Variants in RPS20 observed in about 807,000 individuals in gnomAD.
RPS20 encodes the protein small ribosomal subunit protein uS10.
RPS20 carries 3 observed loss-of-function variants against 15.3 expected under a neutral mutation model. The ratio of observed to expected loss-of-function variants is 0.20; its 90% CI spans 0.09 to 0.51. The LOEUF is 0.51. Among genes scored for constraint, RPS20 ranks in the 20% least tolerant of loss-of-function variants. The pLI, the probability that RPS20 is intolerant of heterozygous loss-of-function variation, is 0.96. For missense variants in RPS20, 67 were observed against 145.9 expected (o/e 0.46, Z 2.79); for synonymous variants, 62 against 47.8 (o/e 1.30, Z -1.23).
downstream of RPS20, chr8:56,069,617 A>G (rs1809699418): frequency 3.1e-6 from 3 of 979,826 alleles, no homozygotes; most frequent in Admixed American, 4.2e-5. Flanking sequence ...TCTTACTTTC[A>G]AAAGATAAAA....
chr8:56,073,936 TTTAC>T (rs1186279241), intron 2 of RPS20, 120 bp downstream of exon 2: 1 of 1,116,018 alleles, frequency 9.0e-7, no homozygotes, highest in Non-Finnish European at 1.4e-6. Context: ...TAAGCCACGC[TTTAC>T]TTTTTTAAGT....
chr8:56,074,471 A>T lies in RPS20; in HGVS notation c.-88T>A. 3.5e-6 allele frequency: 5 copies of T among 1,448,278 alleles called. No individual in the cohort carries two copies. The highest frequency in any genetic ancestry group is 4.7e-6 in the Non-Finnish European group (5 of 1,073,190). 89.7% of individuals were successfully genotyped at this position (1,448,278 alleles called of 1,614,324 possible). A position where few individuals can be genotyped will look rare whatever the true frequency, so the allele number is the denominator to read the frequency against. Reference sequence around the variant, plus strand: ...AGGAGCAGGAGCGTGCGGACCAAAAATCCTCAGCCCTTACGACCGCGTCTT... The same window carrying T: ...AGGAGCAGGAGCGTGCGGACCAAAATTCCTCAGCCCTTACGACCGCGTCTT... On this transcript the variant is annotated 5_prime_UTR_variant, in exon 1 of 4. Transcript: ENST00000009589.
At position 56,074,481 on chromosome 8, in the gene RPS20, C is replaced by A; in HGVS notation, c.-98G>T. On this transcript the variant is annotated 5_prime_UTR_variant, in exon 1 of 4. It adds an upstream start codon to the 5' untranslated region. Transcript: ENST00000009589. ...GCGTGCGGACCAAAAATCCTCAGCC[C>A]TTACGACCGCGTCTTCCTCAAAAAG... 7.5e-7 allele frequency: 1 copy of A among 1,335,002 alleles called. No individual in the cohort carries two copies. The highest frequency in any genetic ancestry group is 1.0e-6 in the Non-Finnish European group (1 of 976,618). 82.7% of individuals were successfully genotyped at this position (1,335,002 alleles called of 1,614,324 possible).
chr8:56,073,388 T>C, intron 3 of RPS20, 116 bp from the exon 4 acceptor site: 1 of 752,476 alleles, frequency 1.3e-6, no homozygotes, highest in Non-Finnish European at 2.2e-6. Context: ...TGATTCCAAT[T>C]TACACTAATA....
At chr8:56,072,854 C>T, downstream of RPS20, 4 of 1,220,586 alleles carry the variant, frequency 3.3e-6, no homozygotes, top group Non-Finnish European at 4.1e-6. Context: ...AAGTTATAAA[C>T]TGCCAGTGTC....
chr8:56,071,314 T>C (rs1670671166), downstream of RPS20, among the ~76,000 whole-genome samples: 1 of 152,266 alleles, frequency 6.6e-6, no homozygotes, highest in South Asian at 2.1e-4. Context: ...AAGACTGCTA[T>C]GCTGCACTAA....
At chr8:56,068,806 T>C (rs1164142210), downstream of RPS20, among the ~76,000 whole-genome samples, 1 of 92,790 alleles carries the variant, frequency 1.1e-5, no homozygotes, top group Non-Finnish European at 2.3e-5. Context: ...GGTGAAAATA[T>C]CTTTTTTTTT....
At chr8:56,072,860 G>C, downstream of RPS20, 1 of 1,238,304 alleles carries the variant, frequency 8.1e-7, no homozygotes. Context: ...TAAACTGCCA[G>C]TGTCCAATAA....
intron 2 of RPS20, 33 bp from the exon 3 acceptor site, chr8:56,073,801 G>GA: frequency 6.3e-7 from 1 of 1,597,670 alleles, no homozygotes. Context: ...CAGTATAATC[G>GA]AAACAATTAA....
Position 56,074,448 on chromosome 8 carries a change from G to A in RPS20, c.-65C>T, listed in dbSNP as rs1039228787. 7.2e-6 allele frequency: 11 copies of A among 1,529,214 alleles called. No individual in the cohort carries two copies. The African/African-American group carries it at 1.2e-4, about 17-fold the overall frequency. 94.7% of individuals were successfully genotyped at this position (1,529,214 alleles called of 1,614,324 possible). A position where few individuals can be genotyped will look rare whatever the true frequency, so the allele number is the denominator to read the frequency against. Reference sequence around the variant, plus strand: ...GCGAGAGCGAACAGCGGTGAGTCAGGAGCAGGAGCGTGCGGACCAAAAATC... The same window carrying A: ...GCGAGAGCGAACAGCGGTGAGTCAGAAGCAGGAGCGTGCGGACCAAAAATC... On this transcript the variant is annotated 5_prime_UTR_variant, in exon 1 of 4. Coordinates refer to ENST00000009589, the MANE Select transcript of RPS20 (RefSeq NM_001023.4).
downstream of RPS20, chr8:56,073,053 G>A (rs755967009): frequency 2.8e-5 from 45 of 1,584,004 alleles, no homozygotes; most frequent in Middle Eastern, 2.3e-4. Context: ...ACCAACAGAA[G>A]TTAACAACTG....
downstream of RPS20, chr8:56,069,783 G>A: frequency 6.4e-7 from 1 of 1,551,130 alleles, no homozygotes; most frequent in Non-Finnish European, 8.7e-7. Context: ...TTCTCAAAGT[G>A]TACTGCTGGC....
downstream of RPS20, among the ~76,000 whole-genome samples, chr8:56,069,249 A>ATTTAT (rs141681946): frequency 0.093 from 14,135 of 151,800 alleles, 1,242 homozygotes; most frequent in African/African-American, 0.24. Context: ...TTTTTCCTTT[A>ATTTAT]TTATTTTTTT....
At chr8:56,072,966 C>T, downstream of RPS20, 2 of 1,447,338 alleles carry the variant, frequency 1.4e-6, no homozygotes, top group Non-Finnish European at 1.8e-6. Context: ...CTAAGATACC[C>T]ATATATTCCA....
chr8:56,073,683 G>C lies in RPS20; in HGVS notation c.177+12C>G. 1.2e-6 allele frequency: 2 copies of C among 1,610,580 alleles called. No homozygotes were observed. The highest frequency in any genetic ancestry group is 1.7e-5 in the Admixed American group (1 of 60,018). On this transcript the variant is annotated intron_variant, in intron 3 of 3. Transcript: ENST00000009589. ...AGCAACTCCTACTTCCTGCCCCTCC[G>C]ATTTACTTTACCTTGGTAGGCATTC...
intron 3 of RPS20, 183 bp downstream of exon 3, chr8:56,073,512 T>C (rs1381222826): frequency 1.2e-5 from 8 of 651,964 alleles, no homozygotes; most frequent in Non-Finnish European, 1.9e-5. Context: ...ACAGCAACAA[T>C]AATTCAACAA....
downstream of RPS20, among the ~76,000 whole-genome samples, chr8:56,072,563 A>T (rs1203288486): frequency 4.6e-5 from 7 of 150,730 alleles, no homozygotes; most frequent in Non-Finnish European, 1.0e-4. Flanking sequence ...CCCCCCAAAA[A>T]AAAAAAGTGA....
rs1309306900 is a variant in RPS20, at chr8:56,074,206, C to A, written c.4-47G>T. ...AGAACAATAAGCCAAAAATGGTCTG[C>A]CACTTCTGGAGAAAGGCAGCTTCCG... is the stretch of plus-strand genomic sequence containing the variant. On this transcript the variant is annotated intron_variant, in intron 1 of 3. Transcript: ENST00000009589. The A allele has an allele frequency of 6.4e-7, 1 of 1,563,872 alleles. No individual in the cohort carries two copies. Among genetic ancestry groups the A allele is most frequent in the Non-Finnish European group, 8.7e-7 (1 of 1,144,512 alleles).
chr8:56,068,062 T>A (rs899150631), downstream of RPS20: 11 of 152,124 alleles, frequency 7.2e-5, no homozygotes, highest in Non-Finnish European at 1.3e-4. Context: ...TCAAATAATC[T>A]GAAGGCTGGT....
Sources: allele counts gnomAD v4.1 joint callset (sites outside exome capture counted in the v4.1 genomes callset), GRCh38; gene constraint gnomAD v4.1.1; transcripts MANE v1.5; gene names NCBI Gene and HGNC (gene_info 2026-07-23, HGNC 2026-07-21).